The following PDE8B variants were observed in gnomAD, a reference collection of about 807,000 sequenced individuals.
PDE8B encodes phosphodiesterase 8B.
PDE8B carries 26 observed loss-of-function variants against 101.3 expected under a neutral mutation model. That is an observed-to-expected ratio of 0.26 (90% confidence interval 0.19 to 0.36). The LOEUF (loss-of-function observed/expected upper bound fraction) is 0.36, where lower values mean the gene tolerates loss of function less well. Among genes scored for constraint, PDE8B ranks in the 10% least tolerant of loss-of-function variants. The probability of loss-of-function intolerance (pLI) is 1.00; values close to 1 mark genes in which losing one functional copy is unlikely to be tolerated. For synonymous variants in PDE8B, 424 were observed against 429.3 expected, an observed-to-expected ratio of 0.99 and a Z score of 0.15; for missense variants, 810 against 1,163.1, an observed-to-expected ratio of 0.70 and a Z score of 4.42.
the PDE8B span, among the ~76,000 whole-genome samples, chr5:77,173,323 C>T: frequency 6.6e-6 from 1 of 152,132 alleles, no homozygotes. Context: ...CTTTTTTGGC[C>T]TCTAGCAACT....
At chr5:77,221,979 C>T (rs2149435601) in intron 1 of PDE8B, among the ~76,000 whole-genome samples, 1 of 152,270 alleles carries the variant, frequency 6.6e-6, no homozygotes, top group South Asian at 2.1e-4. Context: ...CCACCTAGCC[C>T]TCTCTAGTCA....
the PDE8B span, among the ~76,000 whole-genome samples, chr5:77,115,555 G>A: frequency 6.6e-6 from 1 of 152,240 alleles, no homozygotes; most frequent in Non-Finnish European, 1.5e-5. Context: ...AGATGAGAAA[G>A]TCTGGGAGTA....
intron 1 of PDE8B, among the ~76,000 whole-genome samples, chr5:77,304,268 T>C (rs1416695680): frequency 6.6e-6 from 1 of 152,212 alleles, no homozygotes; most frequent in Non-Finnish European, 1.5e-5. Flanking sequence ...CATTGTAATT[T>C]AAAATTTTTA....
chr5:77,110,153 G>T, the PDE8B span, among the ~76,000 whole-genome samples: 3 of 151,788 alleles, frequency 2.0e-5, no homozygotes, highest in African/African-American at 7.3e-5. Context: ...TTACCATGTT[G>T]ACCGGGCTGG....
intron 10 of PDE8B, among the ~76,000 whole-genome samples, chr5:77,361,516 CTT>C (rs34128451): frequency 4.6e-4 from 65 of 139,878 alleles, no homozygotes; most frequent in East Asian, 1.3e-3. Context: ...TTTCATCTTA[CTT>C]TTTTTTTTTT....
chr5:77,370,276 C>G (rs905158031), intron 10 of PDE8B, among the ~76,000 whole-genome samples: 7 of 152,168 alleles, frequency 4.6e-5, no homozygotes, highest in African/African-American at 1.7e-4. Flanking sequence ...AACATCACTG[C>G]CACTCCAGAG....
In PDE8B at chr5:77,419,704, GGCAGAATA is replaced by G. The variant is rs558139004; in HGVS notation, c.2130-61_2130-54del. On this transcript the variant is annotated intron_variant, in intron 18 of 21. Transcript: ENST00000264917. ...GTTGTGAGGAGTGTAGTGAAATGGT[GGCAGAATA>G]GTTATAATTTGAGACACGCTGTGAA... 50 of 1,595,718 alleles carry G rather than the reference GGCAGAATA, an allele frequency of 3.1e-5. No homozygotes were observed. The African/African-American group carries it at 6.2e-4, about 20-fold the overall frequency.
chr5:77,269,901 A>T (rs1280302219), intron 1 of PDE8B, among the ~76,000 whole-genome samples: 1 of 152,148 alleles, frequency 6.6e-6, no homozygotes. Context: ...GAAGTCAGGT[A>T]ATGGGATTCC....
chr5:77,129,880 G>A, the PDE8B span, among the ~76,000 whole-genome samples: 3 of 151,992 alleles, frequency 2.0e-5, no homozygotes, highest in Admixed American at 6.6e-5. Flanking sequence ...TTTCCATCTC[G>A]GTTCTGGGAA....
At chr5:77,212,280 T>C (rs1265792354) in intron 1 of PDE8B, among the ~76,000 whole-genome samples, 2 of 152,128 alleles carry the variant, frequency 1.3e-5, no homozygotes, top group Non-Finnish European at 2.9e-5. Context: ...ACCTGGTCAA[T>C]AGGTTACCAA....
At chr5:77,226,764 A>C (rs535126781) in intron 1 of PDE8B, among the ~76,000 whole-genome samples, 4 of 152,226 alleles carry the variant, frequency 2.6e-5, no homozygotes, top group Non-Finnish European at 5.9e-5. Flanking sequence ...TCTTAATCTC[A>C]GAGGATTTTC....
Position 77,375,889 on chromosome 5 carries a change from C to CTT in PDE8B, c.1167+22502_1167+22503dup, listed in dbSNP as rs70988668. Among the ~76,000 whole-genome samples the CTT allele has an allele frequency of 2.0e-3, 215 of 108,304 alleles. 9 individuals carry two copies. The highest frequency in any genetic ancestry group is 7.0e-3 in the Middle Eastern group (1 of 142). 71.1% of individuals were successfully genotyped at this position (108,304 alleles called of 152,430 possible). A position where few individuals can be genotyped will look rare whatever the true frequency, so the allele number is the denominator to read the frequency against. ...TAATACTCACTTTGTGCCTTGATTT[C>CTT]TTTTTTTTTTTTTTTTTTTTGAGGC... On this transcript the variant is annotated intron_variant, in intron 10 of 21. Coordinates refer to ENST00000264917, the MANE Select transcript of PDE8B (RefSeq NM_003719.5).
intron 1 of PDE8B, among the ~76,000 whole-genome samples, chr5:77,228,070 T>C (rs1752796286): frequency 6.6e-6 from 1 of 152,184 alleles, no homozygotes; most frequent in Non-Finnish European, 1.5e-5. Flanking sequence ...GGCAGGGTCT[T>C]ATCTGAAAGC....
chr5:77,371,041 C>T (rs1785003055), intron 10 of PDE8B, among the ~76,000 whole-genome samples: 1 of 152,160 alleles, frequency 6.6e-6, no homozygotes. Context: ...ATACATCAGT[C>T]TATTACTAGG....
At chr5:77,335,564 TGAGA>T (rs67371569) in intron 5 of PDE8B, among the ~76,000 whole-genome samples, 147 of 99,968 alleles carry the variant, frequency 1.5e-3, no homozygotes, top group Non-Finnish European at 2.5e-3. Flanking sequence ...TGTGTGTGTG[TGAGA>T]GAGAGAGGAA....
At chr5:77,107,231 T>G in the PDE8B span, among the ~76,000 whole-genome samples, 4,364 of 152,322 alleles carry the variant, frequency 0.029, 80 homozygotes, top group Middle Eastern at 0.085. Flanking sequence ...GGACACGAAC[T>G]CATCCTTTTT....
At chr5:77,258,589 G>T (rs1395252555) in intron 1 of PDE8B, among the ~76,000 whole-genome samples, 3 of 152,164 alleles carry the variant, frequency 2.0e-5, no homozygotes, top group Non-Finnish European at 4.4e-5. Flanking sequence ...GACCTGATAG[G>T]ATACCATCAG....
intron 1 of PDE8B, among the ~76,000 whole-genome samples, chr5:77,292,106 A>G (rs1178301829): frequency 6.6e-6 from 1 of 152,004 alleles, no homozygotes; most frequent in Non-Finnish European, 1.5e-5. Context: ...ATTTACCAAG[A>G]GCTTTTTTTG....
At chr5:77,404,854 A>G (rs1793109163) in intron 12 of PDE8B, 57 bp downstream of exon 12, 3 of 1,133,082 alleles carry the variant, frequency 2.6e-6, no homozygotes, top group Non-Finnish European at 4.0e-6. Flanking sequence ...TGATGGAAGA[A>G]TATGTTAAAA....
Sources: gnomAD v4.1 joint callset for allele counts (sites outside exome capture counted in the v4.1 genomes callset) on GRCh38, gnomAD v4.1.1 for gene constraint, MANE v1.5 for transcripts, NCBI Gene and HGNC (gene_info 2026-07-23, HGNC 2026-07-21) for gene names.